The following BIRC6 variants were observed in gnomAD, a reference collection of about 807,000 sequenced individuals.
BIRC6 encodes dual E2 ubiquitin-conjugating enzyme/E3 ubiquitin-protein ligase BIRC6.
In BIRC6, 98 loss-of-function variants were observed where a neutral mutation model predicts 503.3. The observed-to-expected ratio is 0.19, with a 90% confidence interval of 0.17 to 0.23. BIRC6 has a LOEUF of 0.23. Among genes scored for constraint, BIRC6 ranks in the 10% least tolerant of loss-of-function variants. BIRC6 has a pLI of 1.00. For synonymous variants in BIRC6, 2,240 were observed against 2,078.7 expected, an observed-to-expected ratio of 1.08 and a Z score of -2.11; for missense variants, 5,360 against 5,806.0, an observed-to-expected ratio of 0.92 and a Z score of 2.50.
rs768271303 is a variant in BIRC6 at position 32,477,414 on chromosome 2, G to T, written c.6899G>T (p.Arg2300Leu). 6.2e-7 allele frequency: 1 copy of T among 1,613,904 alleles called. No individual in the cohort carries two copies. Among genetic ancestry groups the T allele is most frequent in the South Asian group, 1.1e-5 (1 of 91,074 alleles). Residue 2300 changes from arginine to leucine, a missense_variant, in exon 35 of 74, where the codon CGT (arginine) becomes CTT (leucine). Transcript: ENST00000421745. ...TTACGTCGGACAGCAGAATGGTCCC[G>T]TTCTAATTTAGACACAGAAGTTACA... is the stretch of plus-strand genomic sequence containing the variant. ...IRLRRTAEWS[R>L]SNLDTEVTTA...
chr2:32,496,074 C>G (rs2052430657), intron 45 of BIRC6, among the ~76,000 whole-genome samples: 1 of 152,092 alleles, frequency 6.6e-6, no homozygotes, highest in African/African-American at 2.4e-5. Context: ...ATCTCCTGAC[C>G]TCGTGATCAG....
chr2:32,488,166 G>T, intron 41 of BIRC6, among the ~76,000 whole-genome samples: 1 of 151,964 alleles, frequency 6.6e-6, no homozygotes, highest in Admixed American at 6.6e-5. Context: ...CATAACACTA[G>T]ATCCTGTCTC....
At chr2:32,380,381 GT>G in intron 3 of BIRC6, 91 bp downstream of exon 3, 2 of 1,405,156 alleles carry the variant, frequency 1.4e-6, no homozygotes, top group Non-Finnish European at 1.9e-6. Flanking sequence ...TTTTGGAAAT[GT>G]TCTAATTCTA....
intron 10 of BIRC6, among the ~76,000 whole-genome samples, chr2:32,421,660 C>T (rs973907711): frequency 6.6e-6 from 1 of 152,084 alleles, no homozygotes; most frequent in East Asian, 1.9e-4. Flanking sequence ...TCTTTCTGTT[C>T]TGGATCTCAA....
At chr2:32,517,609 C>G (rs1479499513) in intron 55 of BIRC6, among the ~76,000 whole-genome samples, 2 of 152,108 alleles carry the variant, frequency 1.3e-5, no homozygotes, top group East Asian at 3.9e-4. Flanking sequence ...GGATCTCTCT[C>G]TGTTGCCCAG....
chr2:32,597,997 C>T (rs1207858368), intron 69 of BIRC6, 29 bp downstream of exon 69: 2 of 1,543,862 alleles, frequency 1.3e-6, no homozygotes, highest in Non-Finnish European at 8.8e-7. Context: ...AAAGCACTCT[C>T]CCTTATCTCC....
intron 66 of BIRC6, among the ~76,000 whole-genome samples, chr2:32,579,258 G>T (rs1384066614): frequency 6.6e-6 from 1 of 151,884 alleles, no homozygotes; most frequent in Non-Finnish European, 1.5e-5. Context: ...TGTTAACTGT[G>T]ACTGCTGAGA....
rs2052003588 is a variant in BIRC6, at chr2:32,493,413, CT to C, written c.8341-123del. 4 of 801,990 alleles carry C rather than the reference CT, an allele frequency of 5.0e-6. No individual in the cohort carries two copies. In the Admixed American group the frequency reaches 1.1e-4, roughly 22 times the overall value. The allele number at this position is 801,990 out of a possible 1,614,324, so 49.7% of individuals were successfully genotyped here. A position where few individuals can be genotyped will look rare whatever the true frequency, so the allele number is the denominator to read the frequency against. ...TCATTTCCTGCTATCATTGTTAATA[CT>C]TTTGTTTTCCTCGTACGAAAAGTTA... On this transcript the variant is annotated intron_variant, in intron 44 of 73. Transcript: ENST00000421745.
Position 32,473,236 on chromosome 2 carries a change from A to G in BIRC6, c.6717A>G (p.Lys2239=). 6.5e-7 allele frequency: 1 copy of G among 1,535,396 alleles called. No individual in the cohort carries two copies. The highest frequency in any genetic ancestry group is 1.2e-5 in the South Asian group (1 of 80,482). ...RKIRKQLVHH[K]QQLNLLKAKQ... Reference sequence around the variant, plus strand: ...TCAGAAAGCAGCTTGTTCATCATAAACAGGTAATTGTCAATATATTTAAAA... The same window carrying G: ...TCAGAAAGCAGCTTGTTCATCATAAGCAGGTAATTGTCAATATATTTAAAA... Residue 2239 remains lysine, a synonymous_variant, in exon 33 of 74, where the codon AAA becomes AAG. Coordinates refer to ENST00000421745, the MANE Select transcript of BIRC6 (RefSeq NM_016252.4).
At chr2:32,488,923 C>A (rs564224524) in intron 42 of BIRC6, among the ~76,000 whole-genome samples, 1 of 152,268 alleles carries the variant, frequency 6.6e-6, no homozygotes, top group Non-Finnish European at 1.5e-5. Context: ...CTCCTACTCT[C>A]TGGTCTGTGG....
chr2:32,547,845 T>A lies in BIRC6; in HGVS notation c.12811-5T>A, dbSNP rs746870938. The stretch of plus-strand genomic sequence containing the variant: ...TAATGGATTTTCATTTTTTGTTATT[T>A]TAAGCCACAGGTGTCAAGCTCTCAT... On this transcript the variant is annotated splice_polypyrimidine_tract_variant and splice_region_variant and intron_variant, in intron 63 of 73. Transcript: ENST00000421745. 1 of 1,544,618 alleles carries A rather than the reference T, an allele frequency of 6.5e-7. No homozygotes were observed. Among genetic ancestry groups the A allele is most frequent in the Non-Finnish European group, 8.7e-7 (1 of 1,150,020 alleles).
chr2:32,550,765 A>T (rs549587832), intron 65 of BIRC6, among the ~76,000 whole-genome samples: 1 of 152,280 alleles, frequency 6.6e-6, no homozygotes, highest in East Asian at 1.9e-4. Context: ...GAAATCCAGG[A>T]TTATTTACAT....
intron 1 of BIRC6, among the ~76,000 whole-genome samples, chr2:32,362,388 T>C (rs989915299): frequency 4.6e-5 from 7 of 150,898 alleles, no homozygotes; most frequent in African/African-American, 1.7e-4. Context: ...TGATCTCGGC[T>C]CACTGCAAGC....
intron 3 of BIRC6, among the ~76,000 whole-genome samples, chr2:32,381,577 A>C (rs2037665282): frequency 7.7e-6 from 1 of 130,420 alleles, no homozygotes; most frequent in Non-Finnish European, 1.6e-5. Flanking sequence ...ACAGAGTCTC[A>C]CTCTGTAACC....
chr2:32,593,859 T>C lies in BIRC6; in HGVS notation c.13356-56T>C, dbSNP rs2061525807. On this transcript the variant is annotated intron_variant, in intron 66 of 73. Transcript: ENST00000421745. ...TTTGTATATTGATTTATGGAGGTGT[T>C]TTAGTCCTAAAATCTTAATTTTCCT... The C allele has an allele frequency of 2.7e-6, 4 of 1,469,058 alleles. No homozygotes were observed. The East Asian group carries it at 9.1e-5, about 34-fold the overall frequency. 91.0% of individuals were successfully genotyped at this position (1,469,058 alleles called of 1,614,324 possible). A position where few individuals can be genotyped will look rare whatever the true frequency, so the allele number is the denominator to read the frequency against.
chr2:32,403,663 T>C (rs1355999747), intron 8 of BIRC6, among the ~76,000 whole-genome samples: 2 of 152,248 alleles, frequency 1.3e-5, no homozygotes, highest in Non-Finnish European at 2.9e-5. Context: ...TATGTCTGTT[T>C]TTCAGAAACA....
intron 61 of BIRC6, among the ~76,000 whole-genome samples, chr2:32,537,709 G>T (rs2150155182): frequency 6.6e-6 from 1 of 152,318 alleles, no homozygotes; most frequent in South Asian, 2.1e-4. Flanking sequence ...GCTCAAGCCT[G>T]CAATCCCAGC....
At chr2:32,461,068 T>TTCTCTTCTTC (rs2047890874) in intron 23 of BIRC6, among the ~76,000 whole-genome samples, 1 of 26,838 alleles carries the variant, frequency 3.7e-5, no homozygotes, top group African/African-American at 1.1e-4. Context: ...TTCTCTTCTG[T>TTCTCTTCTTC]TCTCCTCTCC....
chr2:32,549,390 G>C lies in BIRC6; in HGVS notation c.13053G>C (p.Gln4351His). ...EAQSSHETRG[Q>H]NSNALPSVLL... is the part of the protein sequence containing the mutation. Reference sequence around the variant, plus strand: ...AGTCATCTCATGAGACTAGAGGGCAGAACAGTAATGCCCTTCCTTCTGTAC... The same window carrying C: ...AGTCATCTCATGAGACTAGAGGGCACAACAGTAATGCCCTTCCTTCTGTAC... The change falls in exon 65 of 74, where the codon CAG (glutamine) becomes CAC (histidine). Residue 4351 changes from glutamine to histidine, a missense_variant. By Grantham distance (24) the Gln-to-His change is conservative. Transcript: ENST00000421745. The C allele has an allele frequency of 6.6e-7, 1 of 1,520,368 alleles. No homozygotes were observed. The allele number at this position is 1,520,368 out of a possible 1,614,324, so 94.2% of individuals were successfully genotyped here.
Sources: allele counts gnomAD v4.1 joint callset (sites outside exome capture counted in the v4.1 genomes callset), GRCh38; gene constraint gnomAD v4.1.1; transcripts MANE v1.5; gene names NCBI Gene and HGNC (gene_info 2026-07-23, HGNC 2026-07-21).